The following DYNC2H1 variants were observed in gnomAD, a reference collection of about 807,000 sequenced individuals.
DYNC2H1 encodes the protein cytoplasmic dynein 2 heavy chain 1.
In DYNC2H1, 410 loss-of-function variants were observed where a neutral mutation model predicts 570.0. That is an observed-to-expected ratio of 0.72 (90% CI 0.66 to 0.78). The LOEUF (loss-of-function observed/expected upper bound fraction) is 0.78. DYNC2H1 is among the 30% of genes least tolerant of loss of function. DYNC2H1 has a pLI of 0.00. For synonymous variants in DYNC2H1, 1,688 were observed against 1,677.6 expected (o/e 1.01, Z -0.15); for missense variants, 4,865 against 5,046.4 (o/e 0.96, Z 1.09).
At position 103,209,232 on chromosome 11, in the gene DYNC2H1, A is replaced by T. The variant is rs1019432040; in HGVS notation, c.8455-644A>T. ...GAAAGAAATTGAAGCTATTTGGCTT[A>T]ATTTAAAATTTCAAAATTGTTACTT... On this transcript the variant is annotated intron_variant, in intron 52 of 88. Coordinates refer to ENST00000375735, the MANE Select transcript of DYNC2H1 (RefSeq NM_001377.3). This position sits in a 1 kb window ranked among gnomAD's most constrained non-coding sequence, Gnocchi z 4.2. Among the ~76,000 whole-genome samples the T allele has an allele frequency of 1.3e-5, 2 of 152,094 alleles. No individual in the cohort carries two copies. Among genetic ancestry groups the T allele is most frequent in the African/African-American group, 4.8e-5 (2 of 41,444 alleles).
chr11:103,227,977 G>A (rs1440935704), intron 59 of DYNC2H1, among the ~76,000 whole-genome samples: 1 of 152,022 alleles, frequency 6.6e-6, no homozygotes, highest in Admixed American at 6.6e-5. Context: ...TTTAAAGTTT[G>A]TTATGTCTGA....
In DYNC2H1 at chr11:103,114,108, G is replaced by A. The variant is rs1366824580; in HGVS notation, c.372G>A (p.Gln124=). The A allele has an allele frequency of 3.7e-6, 6 of 1,609,736 alleles. No homozygotes were observed. Among genetic ancestry groups the A allele is most frequent in the Non-Finnish European group, 5.1e-6 (6 of 1,177,932 alleles). Residue 124 remains glutamine (Q), a synonymous_variant, in exon 3 of 89, where the codon CAG becomes CAA. Coordinates refer to ENST00000375735, the MANE Select transcript of DYNC2H1 (RefSeq NM_001377.3). ...QVFAPMLLKD[Q]EWSRNFDPKL... is the part of the protein sequence containing the mutation. Reference sequence around the variant, plus strand: ...TCTTGTCTGTTTTTATTTAGGATCAGGAATGGAGCAGAAACTTTGATCCCA... The same window carrying A: ...TCTTGTCTGTTTTTATTTAGGATCAAGAATGGAGCAGAAACTTTGATCCCA...
In DYNC2H1 at chr11:103,461,884, A is replaced by G. The variant is rs2070770606; in HGVS notation, c.12648+5528A>G. Among the ~76,000 whole-genome samples, 1 of 152,150 alleles carries G rather than the reference A, an allele frequency of 6.6e-6. No individual in the cohort carries two copies. The highest frequency in any genetic ancestry group is 6.5e-5 in the Admixed American group (1 of 15,276). ...TTTCTTGCTAAAACACATTTCAGACATCATTTTATTTTACCCCTCTATGGT... is the reference window on the plus strand; with the variant it reads ...TTTCTTGCTAAAACACATTTCAGACGTCATTTTATTTTACCCCTCTATGGT... On this transcript the variant is annotated intron_variant, in intron 87 of 88. Transcript: ENST00000375735. This position sits in a 1 kb window ranked among gnomAD's most constrained non-coding sequence, Gnocchi z 4.8.
Position 103,289,424 on chromosome 11 carries a change from A to T in DYNC2H1, c.11095+1819A>T, listed in dbSNP as rs960530544. ...GGTCAGCTTAAAGGCTAGAAGCAAG[A>T]TGGAGTCGGTTAGGTCTGATCTCTT... On this transcript the variant is annotated intron_variant, in intron 75 of 88. Coordinates refer to ENST00000375735, the MANE Select transcript of DYNC2H1 (RefSeq NM_001377.3). The surrounding 1 kb of genome is among the most constrained non-coding windows in gnomAD (Gnocchi z 4.2). 1.3e-5 allele frequency among the ~76,000 whole-genome samples: 2 copies of T among 152,150 alleles called. No homozygotes were observed. The highest frequency in any genetic ancestry group is 2.9e-5 in the Non-Finnish European group (2 of 68,020).
chr11:103,251,044 G>A (rs911820741), intron 65 of DYNC2H1, among the ~76,000 whole-genome samples: 2 of 151,944 alleles, frequency 1.3e-5, no homozygotes, highest in African/African-American at 4.8e-5. Flanking sequence ...TTAATTAATA[G>A]TGTCAAGTTT....
rs1167239013 is a variant in DYNC2H1, at chr11:103,125,165, C to T, written c.1727C>T (p.Ser576Leu). 6.2e-7 allele frequency: 1 copy of T among 1,613,468 alleles called. No homozygotes were observed. The highest frequency in any genetic ancestry group is 1.3e-5 in the African/African-American group (1 of 74,886). Residue 576 changes from serine to leucine, a missense_variant, in exon 12 of 89, where the codon TCA (serine) becomes TTA (leucine). Physicochemically the swap from Ser to Leu is moderately radical, Grantham distance 145 (BLOSUM62 -2). Transcript: ENST00000375735. ...SNDGLLKVHY[S>L]DRLVILLREV... ...GATGGATTACTAAAAGTGCATTATTCAGATCGTTTGGTGATTCTTCTGAGA... is the reference window on the plus strand; with the variant it reads ...GATGGATTACTAAAAGTGCATTATTTAGATCGTTTGGTGATTCTTCTGAGA...
At position 103,152,211 on chromosome 11, in the gene DYNC2H1, A is replaced by G. The variant is rs759094408; in HGVS notation, c.3022A>G (p.Ile1008Val). 5.6e-6 allele frequency: 9 copies of G among 1,609,830 alleles called. No homozygotes were observed. The highest frequency in any genetic ancestry group is 5.9e-6 in the Non-Finnish European group (7 of 1,178,576). The change falls in exon 21 of 89, where the codon ATT becomes GTT. Residue 1008 changes from isoleucine to valine, a missense_variant. Physicochemically the swap from Ile to Val is conservative, Grantham distance 29 (BLOSUM62 3). Coordinates refer to ENST00000375735, the MANE Select transcript of DYNC2H1 (RefSeq NM_001377.3). ...TGTGGCTGGTGGAGGTTTAGAAACAATTAGTAATTTGAAAGCCAAGTGGGA... is the reference window on the plus strand; with the variant it reads ...TGTGGCTGGTGGAGGTTTAGAAACAGTTAGTAATTTGAAAGCCAAGTGGGA... ...RTVAGGGLETISNLKAKWDKF... is the reference protein window; with the variant it reads ...RTVAGGGLETVSNLKAKWDKF...
Position 103,163,096 on chromosome 11 carries a change from TAC to T in DYNC2H1, c.4561_4562del (p.Thr1521TrpfsTer9). 1 of 1,613,428 alleles carries T rather than the reference TAC, an allele frequency of 6.2e-7. No homozygotes were observed. Among genetic ancestry groups the T allele is most frequent in the African/African-American group, 1.3e-5 (1 of 75,040 alleles). On this transcript the variant is annotated frameshift_variant, in exon 30 of 89. Transcript: ENST00000375735. LOFTEE classifies it high-confidence loss of function. This position sits in a 1 kb window ranked among gnomAD's most constrained non-coding sequence, Gnocchi z 4.6. ...AACAGTTGTTGAAGGAATGTGTTAC[TAC>T]TGGGCGAAGTTCTCAAGGTGCAGTT... Reference protein sequence around the residue: ...LEQLLKECVTTGRSSQGAVDP... With the variant: ...LEQLLKECVTXGRSSQGAVDP...
chr11:103,156,646 T>C lies in DYNC2H1; in HGVS notation c.4003T>C (p.Leu1335=). 1 of 1,613,534 alleles carries C rather than the reference T, an allele frequency of 6.2e-7. No individual in the cohort carries two copies. The highest frequency in any genetic ancestry group is 8.5e-7 in the Non-Finnish European group (1 of 1,179,656). Residue 1335 remains leucine (L), a synonymous_variant, in exon 26 of 89, where the codon TTA becomes CTA. Coordinates refer to ENST00000375735, the MANE Select transcript of DYNC2H1 (RefSeq NM_001377.3). ...VSIWERKLAE[L]DEYLQNLNHI... The stretch of plus-strand genomic sequence containing the variant: ...AATTTGGGAAAGAAAACTTGCAGAG[T>C]TAGATGAATACCTGCAGAATTTAAA...
At chr11:103,246,422 T>C (rs1356531051) in intron 65 of DYNC2H1, among the ~76,000 whole-genome samples, 1 of 152,010 alleles carries the variant, frequency 6.6e-6, no homozygotes, top group Admixed American at 6.6e-5. Flanking sequence ...TTCTGGTTAG[T>C]GTTAGGTTTT....
chr11:103,318,552 T>C (rs549518455), intron 80 of DYNC2H1, among the ~76,000 whole-genome samples: 39 of 152,250 alleles, frequency 2.6e-4, no homozygotes, highest in Middle Eastern at 3.4e-3. Flanking sequence ...GACATGCTGG[T>C]AGTTTTGAGT....
In DYNC2H1 at chr11:103,148,574, A is replaced by G; in HGVS notation, c.2903A>G (p.Asp968Gly). 2 of 1,570,432 alleles carry G rather than the reference A, an allele frequency of 1.3e-6. No homozygotes were observed. Among genetic ancestry groups the G allele is most frequent in the Non-Finnish European group, 1.7e-6 (2 of 1,156,224 alleles). The change falls in exon 20 of 89, where the codon GAT becomes GGT. Residue 968 changes from aspartate (D) to glycine (G), a missense_variant. Asp to Gly is a moderately conservative substitution (Grantham distance 94, BLOSUM62 -1). Coordinates refer to ENST00000375735, the MANE Select transcript of DYNC2H1 (RefSeq NM_001377.3). ...IMPQSVEEIG[D>G]ANLQYSKLQE... ...CCCCAGTCTGTGGAAGAAATTGGTGATGCAAATCTACAATATAGTAAGTTA... is the reference window on the plus strand; with the variant it reads ...CCCCAGTCTGTGGAAGAAATTGGTGGTGCAAATCTACAATATAGTAAGTTA...
At chr11:103,304,756 T>A (rs1343802113) in intron 77 of DYNC2H1, 36 bp downstream of exon 77, 2 of 1,591,950 alleles carry the variant, frequency 1.3e-6, no homozygotes, top group South Asian at 1.2e-5. Flanking sequence ...ATATCTATTA[T>A]ACTCAACTTA....
intron 85 of DYNC2H1, 73 bp downstream of exon 85, chr11:103,436,105 T>C (rs1453907134): frequency 1.6e-6 from 2 of 1,262,976 alleles, no homozygotes; most frequent in Non-Finnish European, 2.2e-6. Flanking sequence ...ACCATTGTGC[T>C]AATCACTAGT....
intron 85 of DYNC2H1, among the ~76,000 whole-genome samples, chr11:103,441,129 A>G (rs1185056121): frequency 1.3e-5 from 2 of 151,924 alleles, no homozygotes; most frequent in African/African-American, 4.8e-5. Context: ...TTTCGTTCCC[A>G]GTTTTCTACC....
Position 103,243,696 on chromosome 11 carries a change from C to G in DYNC2H1, c.9823C>G (p.Arg3275Gly). The change falls in exon 64 of 89, where the codon CGA (arginine) becomes GGA (glycine). Residue 3275 changes from arginine to glycine, a missense_variant. Around this residue, in one of 5 missense-constraint regions of DYNC2H1, gnomAD observed 2,401 missense variants for 2,454.6 expected, o/e 0.98. Coordinates refer to ENST00000375735, the MANE Select transcript of DYNC2H1 (RefSeq NM_001377.3). The surrounding 1 kb of genome is among the most constrained non-coding windows in gnomAD (Gnocchi z 4.8). ...IENALVILQS[R>G]VCPFLIDPSS... ...CTTTTCCTTTTTTTTATACTAGAGT[C>G]GAGTGTGCCCATTTCTTATAGATCC... The G allele has an allele frequency of 6.3e-7, 1 of 1,596,212 alleles. No homozygotes were observed. The highest frequency in any genetic ancestry group is 8.5e-7 in the Non-Finnish European group (1 of 1,169,656).
chr11:103,456,299 C>T lies in DYNC2H1; in HGVS notation c.12591C>T (p.Ser4197=), dbSNP rs1170761949. The change falls in exon 87 of 89, where the codon AGC becomes AGT. Residue 4197 remains serine, a synonymous_variant. Coordinates refer to ENST00000375735, the MANE Select transcript of DYNC2H1 (RefSeq NM_001377.3). ...GGGCAGTGGGTCGTTCTGTGGATAG[C>T]CTTAAATTTGTAGCCTCATGGAAAG... is the stretch of plus-strand genomic sequence containing the variant. ...TARAVGRSVD[S]LKFVASWKGR... 6.2e-6 allele frequency: 10 copies of T among 1,609,192 alleles called. No individual in the cohort carries two copies. Among genetic ancestry groups the T allele is most frequent in the Non-Finnish European group, 8.5e-6 (10 of 1,177,374 alleles).
intron 85 of DYNC2H1, among the ~76,000 whole-genome samples, chr11:103,441,712 G>A (rs1944274540): frequency 6.6e-6 from 1 of 151,980 alleles, no homozygotes; most frequent in African/African-American, 2.4e-5. Flanking sequence ...TCTATTTTGA[G>A]ATTTTTGGCT....
At chr11:103,341,276 A>G (rs1037861891) in intron 82 of DYNC2H1, among the ~76,000 whole-genome samples, 2 of 152,340 alleles carry the variant, frequency 1.3e-5, no homozygotes, top group East Asian at 1.9e-4. Context: ...ATTTGTTTCC[A>G]TAAGATTGTA....
Sources: allele counts gnomAD v4.1 joint callset (sites outside exome capture counted in the v4.1 genomes callset), GRCh38; gene constraint gnomAD v4.1.1; regional missense constraint gnomAD v4.1.1; non-coding constraint Gnocchi (gnomAD v3.1); transcripts MANE v1.5; gene names NCBI Gene and HGNC (gene_info 2026-07-23, HGNC 2026-07-21).